The following PLCB1 variants were observed in gnomAD, a reference collection of about 807,000 sequenced individuals.
PLCB1 encodes phospholipase C beta 1, also known as 1-phosphatidylinositol 4,5-bisphosphate phosphodiesterase beta-1.
PLCB1 carries 46 observed loss-of-function variants against 161.8 expected under a neutral mutation model. The ratio of observed to expected loss-of-function variants is 0.28; its 90% CI spans 0.22 to 0.36. The LOEUF is 0.36. PLCB1 is among the 10% of genes least tolerant of loss of function. The probability of loss-of-function intolerance (pLI) is 1.00; values close to 1 mark genes in which losing one functional copy is unlikely to be tolerated. For missense variants in PLCB1, 1,016 were observed against 1,472.5 expected (o/e 0.69, Z 5.07); for synonymous variants, 517 against 503.7 (o/e 1.03, Z -0.35).
intron 31 of PLCB1, among the ~76,000 whole-genome samples, chr20:8,815,450 C>A (rs78554120): frequency 1.3e-3 from 191 of 152,242 alleles, no homozygotes; most frequent in Non-Finnish European, 1.9e-3. Flanking sequence ...CATCTTGCAA[C>A]GGTGGGATGA....
chr20:8,881,781 C>T lies in PLCB1; in HGVS notation c.3583C>T (p.His1195Tyr). 1.9e-6 allele frequency: 3 copies of T among 1,614,076 alleles called. No individual in the cohort carries two copies. Among genetic ancestry groups the T allele is most frequent in the African/African-American group, 1.3e-5 (1 of 75,038 alleles). ...SLSSDPGKVN[H>Y]KTPSSEELGG... is the part of the protein sequence containing the mutation. The stretch of plus-strand genomic sequence containing the variant: ...GTCCTCAGACCCTGGAAAAGTGAAC[C>T]ACAAGACTCCCTCCAGTGAGGAGCT... Residue 1195 changes from histidine to tyrosine, a missense_variant, in exon 32 of 32, where the codon CAC (histidine) becomes TAC (tyrosine). Coordinates refer to ENST00000338037, the MANE Select transcript of PLCB1 (RefSeq NM_015192.4).
intron 3 of PLCB1, among the ~76,000 whole-genome samples, chr20:8,566,715 C>T (rs1272004587): frequency 6.6e-6 from 1 of 151,826 alleles, no homozygotes; most frequent in African/African-American, 2.4e-5. Context: ...TATATGGCTA[C>T]ATATCTATAG....
intron 2 of PLCB1, among the ~76,000 whole-genome samples, chr20:8,240,481 C>T (rs894071012): frequency 1.3e-5 from 2 of 151,826 alleles, no homozygotes; most frequent in Non-Finnish European, 2.9e-5. Context: ...CACATGGATG[C>T]GCCATCATTT....
chr20:8,431,781 A>T (rs1026660744), intron 3 of PLCB1, among the ~76,000 whole-genome samples: 1 of 152,208 alleles, frequency 6.6e-6, no homozygotes, highest in Non-Finnish European at 1.5e-5. Flanking sequence ...TGAGAATCTT[A>T]TAAAGATCAA....
At chr20:8,865,459 T>A (rs1334125899) in intron 31 of PLCB1, among the ~76,000 whole-genome samples, 1 of 152,220 alleles carries the variant, frequency 6.6e-6, no homozygotes, top group East Asian at 1.9e-4. Flanking sequence ...AAATAAATCA[T>A]GCAACACAAA....
intron 25 of PLCB1, 104 bp downstream of exon 25, chr20:8,760,564 A>T: frequency 1.4e-6 from 1 of 712,674 alleles, no homozygotes; most frequent in Non-Finnish European, 2.4e-6. Flanking sequence ...AAACAACATC[A>T]TTAATATTTC....
At chr20:8,831,795 A>T (rs957597934) in intron 31 of PLCB1, among the ~76,000 whole-genome samples, 5 of 152,160 alleles carry the variant, frequency 3.3e-5, no homozygotes, top group Non-Finnish European at 7.3e-5. Context: ...ATGCCCAGCT[A>T]GTTATTTATA....
At chr20:8,467,702 CTCCTTTTA>C (rs1002076478) in intron 3 of PLCB1, among the ~76,000 whole-genome samples, 5 of 152,148 alleles carry the variant, frequency 3.3e-5, no homozygotes, top group Non-Finnish European at 7.4e-5. Flanking sequence ...CCATCCTTTT[CTCCTTTTA>C]TCTTTTGAGC....
At chr20:8,313,759 C>T (rs1354578456) in intron 2 of PLCB1, among the ~76,000 whole-genome samples, 1 of 150,396 alleles carries the variant, frequency 6.6e-6, no homozygotes, top group African/African-American at 2.5e-5. Flanking sequence ...ATTTTGAACA[C>T]TTCATTTCTG....
At chr20:8,386,292 T>G (rs998097758) in intron 3 of PLCB1, among the ~76,000 whole-genome samples, 2 of 152,170 alleles carry the variant, frequency 1.3e-5, no homozygotes, top group African/African-American at 4.8e-5. Context: ...AATAATAAGA[T>G]TTGAAAGTCA....
chr20:8,587,159 G>A (rs1987015448), intron 3 of PLCB1, among the ~76,000 whole-genome samples: 4 of 143,228 alleles, frequency 2.8e-5, no homozygotes, highest in Admixed American at 7.3e-5. Context: ...TAAAACTAAC[G>A]CCAGCACTAT....
chr20:8,700,380 A>G (rs1026375176), intron 11 of PLCB1, among the ~76,000 whole-genome samples: 1 of 152,240 alleles, frequency 6.6e-6, no homozygotes, highest in African/African-American at 2.4e-5. Flanking sequence ...TATTTATTTT[A>G]TGTGGAGCAT....
intron 3 of PLCB1, among the ~76,000 whole-genome samples, chr20:8,615,971 C>T (rs1486526115): frequency 1.3e-5 from 2 of 151,890 alleles, no homozygotes; most frequent in African/African-American, 2.4e-5. Context: ...TCCAGATCTC[C>T]CTGCCTCTCT....
intron 2 of PLCB1, among the ~76,000 whole-genome samples, chr20:8,176,625 C>A (rs1231084330): frequency 1.3e-5 from 2 of 152,168 alleles, no homozygotes; most frequent in Non-Finnish European, 2.9e-5. Flanking sequence ...TAAATACACA[C>A]ACATGCACAC....
intron 2 of PLCB1, among the ~76,000 whole-genome samples, chr20:8,216,889 T>C (rs1014089601): frequency 6.6e-6 from 1 of 152,134 alleles, no homozygotes; most frequent in African/African-American, 2.4e-5. Context: ...AAAACCAAAA[T>C]AGTGGTGTCA....
chr20:8,766,621 C>G (rs192724606), intron 26 of PLCB1, among the ~76,000 whole-genome samples: 26 of 152,280 alleles, frequency 1.7e-4, no homozygotes, highest in Admixed American at 1.7e-3. Flanking sequence ...CAAAATGTAT[C>G]GAACGTGCAA....
chr20:8,776,997 C>T lies in PLCB1; in HGVS notation c.3111+2278C>T, dbSNP rs1982975046. ...GAGTTAAGAGGTGAAGAACTGACAA[C>T]AGCCAACACAGGGAGGAGGATTCCT... On this transcript the variant is annotated intron_variant, in intron 27 of 31. Coordinates refer to ENST00000338037, the MANE Select transcript of PLCB1 (RefSeq NM_015192.4). Among the ~76,000 whole-genome samples the T allele has an allele frequency of 2.0e-5, 3 of 152,132 alleles. No individual in the cohort carries two copies. The South Asian group carries it at 6.2e-4, about 32-fold the overall frequency.
At chr20:8,439,203 C>A (rs1041054143) in intron 3 of PLCB1, among the ~76,000 whole-genome samples, 1 of 152,136 alleles carries the variant, frequency 6.6e-6, no homozygotes, top group African/African-American at 2.4e-5. Flanking sequence ...CTTACTGTAG[C>A]GTTTCCATCC....
intron 31 of PLCB1, among the ~76,000 whole-genome samples, chr20:8,861,303 T>A (rs144933163): frequency 1.0e-3 from 159 of 152,338 alleles, no homozygotes; most frequent in Admixed American, 2.7e-3. Flanking sequence ...ACAGGAAATG[T>A]TAGTAAAGAA....
Sources: allele counts gnomAD v4.1 joint callset (sites outside exome capture counted in the v4.1 genomes callset), GRCh38; gene constraint gnomAD v4.1.1; transcripts MANE v1.5; gene names NCBI Gene and HGNC (gene_info 2026-07-23, HGNC 2026-07-21).